The following MED26 variants were observed in gnomAD, a reference collection of about 807,000 sequenced individuals.
MED26 encodes mediator complex subunit 26.
In MED26, 7 loss-of-function variants were observed where a neutral mutation model predicts 43.7. The ratio of observed to expected loss-of-function variants is 0.16; its 90% CI spans 0.09 to 0.30. The LOEUF (loss-of-function observed/expected upper bound fraction) is 0.30, where lower values mean the gene tolerates loss of function less well. Among genes scored for constraint, MED26 ranks in the 10% least tolerant of loss-of-function variants. The pLI, the probability that MED26 is intolerant of heterozygous loss-of-function variation, is 1.00. For synonymous variants in MED26, 375 were observed against 371.1 expected, an observed-to-expected ratio of 1.01 and a Z score of -0.12; for missense variants, 784 against 840.6, an observed-to-expected ratio of 0.93 and a Z score of 0.83.
At position 16,627,921 on chromosome 19, in the gene MED26, G is replaced by A. The variant is rs1299256868; in HGVS notation, c.23C>T (p.Pro8Leu). The A allele has an allele frequency of 1.3e-6, 2 of 1,493,904 alleles. No homozygotes were observed. Among genetic ancestry groups the A allele is most frequent in the East Asian group, 2.9e-5 (1 of 34,986 alleles). The allele number at this position is 1,493,904 out of a possible 1,614,324, so 92.5% of individuals were successfully genotyped here. A position where few individuals can be genotyped will look rare whatever the true frequency, so the allele number is the denominator to read the frequency against. Residue 8 changes from proline to leucine, a missense_variant, in exon 1 of 3, where the codon CCG becomes CTG. Pro to Leu is a moderately conservative substitution (Grantham distance 98). Around this residue, in one of 3 missense-constraint regions of MED26, gnomAD observed 37 missense variants for 30.3 expected, o/e 1.22. Coordinates refer to ENST00000263390, the MANE Select transcript of MED26 (RefSeq NM_004831.5). ...CAGCAGCCGGTCCCTGATCTGCTGC[G>A]GAGACGCCGGAGCCGCTGTCATTGC... Reference protein sequence around the residue: MTAAPASPQQIRDRLLQA... With the variant: MTAAPASLQQIRDRLLQA...
intron 1 of MED26, among the ~76,000 whole-genome samples, chr19:16,603,935 C>T (rs2086161247): frequency 6.6e-6 from 1 of 152,150 alleles, no homozygotes; most frequent in Non-Finnish European, 1.5e-5. Context: ...CAGAAGACTC[C>T]CCTCCATTAT....
intron 1 of MED26, among the ~76,000 whole-genome samples, chr19:16,607,733 T>C (rs1236469382): frequency 1.3e-5 from 2 of 152,192 alleles, no homozygotes; most frequent in African/African-American, 4.8e-5. Flanking sequence ...TTATGAGATT[T>C]TTTTTTAAGC....
chr19:16,599,640 C>T (rs1028028625), intron 1 of MED26, among the ~76,000 whole-genome samples: 5 of 152,288 alleles, frequency 3.3e-5, no homozygotes, highest in Middle Eastern at 3.4e-3. Flanking sequence ...CCTGATCACC[C>T]TCACTGTTGC....
In MED26 at chr19:16,627,934, C is replaced by A; in HGVS notation, c.10G>T (p.Ala4Ser). The change falls in exon 1 of 3, where the codon GCT (alanine) becomes TCT (serine). Residue 4 changes from alanine (A) to serine (S), a missense_variant. This residue lies in a region of MED26 where 37 missense variants were observed against 30.3 expected (regional missense o/e 1.22). Transcript: ENST00000263390. The stretch of plus-strand genomic sequence containing the variant: ...CTGATCTGCTGCGGAGACGCCGGAG[C>A]CGCTGTCATTGCCTGGGCGAGGCGG... MTA[A>S]PASPQQIRDR... 1 of 1,485,686 alleles carries A rather than the reference C, an allele frequency of 6.7e-7. No individual in the cohort carries two copies. Among genetic ancestry groups the A allele is most frequent in the Admixed American group, 2.2e-5 (1 of 45,898 alleles). 92.0% of individuals were successfully genotyped at this position (1,485,686 alleles called of 1,614,324 possible). A position where few individuals can be genotyped will look rare whatever the true frequency, so the allele number is the denominator to read the frequency against.
Position 16,584,294 on chromosome 19 carries a change from GC to G in MED26, c.73-5886del, listed in dbSNP as rs1234823272. On this transcript the variant is annotated intron_variant, in intron 1 of 2. Coordinates refer to ENST00000263390, the MANE Select transcript of MED26 (RefSeq NM_004831.5). ...AAAAAAAAACCGAAACCCAAACACT[GC>G]CCCCCCCCGCCCCGCCAAAAAAAAA... Among the ~76,000 whole-genome samples, 317 of 127,108 alleles carry G rather than the reference GC, an allele frequency of 2.5e-3. 3 individuals are homozygous for G. The highest frequency in any genetic ancestry group is 4.7e-3 in the African/African-American group (145 of 30,994). 83.4% of individuals were successfully genotyped at this position (127,108 alleles called of 152,430 possible).
chr19:16,620,334 G>T (rs117930913), intron 1 of MED26, among the ~76,000 whole-genome samples: 1 of 152,182 alleles, frequency 6.6e-6, no homozygotes, highest in Non-Finnish European at 1.5e-5. Flanking sequence ...AGCTGTGTCC[G>T]CTGAGCCTCA....
rs1238368603 is a variant in MED26 at position 16,576,441 on chromosome 19, C to T, written c.1389G>A (p.Glu463=). The change falls in exon 3 of 3, where the codon GAG becomes GAA. Residue 463 remains glutamate, a synonymous_variant. Coordinates refer to ENST00000263390, the MANE Select transcript of MED26 (RefSeq NM_004831.5). The surrounding 1 kb of genome is among the most constrained non-coding windows in gnomAD (Gnocchi z 6.8). ...AGGGGCTCTGGAGGCTGGCCTTGGC[C>T]TCCTGCTTGTCCAGCTCTGTCCTGG... is the stretch of plus-strand genomic sequence containing the variant. ...QQSRTELDKQ[E]AKASLQSPFE... 3 of 1,614,172 alleles carry T rather than the reference C, an allele frequency of 1.9e-6. No homozygotes were observed. The highest frequency in any genetic ancestry group is 1.7e-5 in the Admixed American group (1 of 60,022).
Position 16,576,847 on chromosome 19 carries a change from C to T in MED26, c.983G>A (p.Arg328Gln), listed in dbSNP as rs565441583. 5.9e-5 allele frequency: 95 copies of T among 1,610,826 alleles called. No individual in the cohort carries two copies. The South Asian group carries it at 7.8e-4, about 13-fold the overall frequency. The change falls in exon 3 of 3, where the codon CGG (arginine) becomes CAG (glutamine). Residue 328 changes from arginine to glutamine, a missense_variant. Arg to Gln is a conservative substitution (Grantham distance 43). Transcript: ENST00000263390. This position sits in a 1 kb window ranked among gnomAD's most constrained non-coding sequence, Gnocchi z 6.8. ...LAQPSTPPVRRLELLPSAESP... is the reference protein window; with the variant it reads ...LAQPSTPPVRQLELLPSAESP... ...TTCCGCACTGGGCAGCAGCTCGAGC[C>T]GCCGTACGGGGGGTGTGGACGGCTG...
At chr19:16,606,548 CA>C (rs1220527140) in intron 1 of MED26, among the ~76,000 whole-genome samples, 1 of 150,872 alleles carries the variant, frequency 6.6e-6, no homozygotes. Flanking sequence ...GACTCCGTCT[CA>C]AAAAAAATAA....
In MED26 at chr19:16,575,453, A is replaced by G. The variant is rs1389879854; in HGVS notation, c.*574T>C. The G allele has an allele frequency of 1.3e-5, 2 of 152,832 alleles. No individual in the cohort carries two copies. Among genetic ancestry groups the G allele is most frequent in the East Asian group, 1.9e-4 (1 of 5,198 alleles). 9.5% of individuals were successfully genotyped at this position (152,832 alleles called of 1,614,324 possible). On this transcript the variant is annotated 3_prime_UTR_variant, in exon 3 of 3. Transcript: ENST00000263390. ...GCTGGCCAGCTGGCCCGCCTGCCCA[A>G]TGCCAGTGGCTCACCACAGCTGAGA...
At position 16,627,975 on chromosome 19, in the gene MED26, C is replaced by G; in HGVS notation, c.-32G>C. 1 of 1,408,450 alleles carries G rather than the reference C, an allele frequency of 7.1e-7. No homozygotes were observed. The highest frequency in any genetic ancestry group is 1.4e-5 in the South Asian group (1 of 69,622). 87.2% of individuals were successfully genotyped at this position (1,408,450 alleles called of 1,614,324 possible). On this transcript the variant is annotated 5_prime_UTR_variant, in exon 1 of 3. Coordinates refer to ENST00000263390, the MANE Select transcript of MED26 (RefSeq NM_004831.5). ...GGCGAGGCGGGGGGTTGCGGCCGGG[C>G]CAGCGGGCGGGCGGGCTGAGGCGGG...
intron 1 of MED26, among the ~76,000 whole-genome samples, chr19:16,623,069 C>A (rs1026911606): frequency 6.6e-6 from 1 of 152,168 alleles, no homozygotes; most frequent in African/African-American, 2.4e-5. Flanking sequence ...TTGGACAGTC[C>A]TCCAGGGCTC....
chr19:16,617,034 G>A (rs894388866), intron 1 of MED26, among the ~76,000 whole-genome samples: 1 of 152,096 alleles, frequency 6.6e-6, no homozygotes, highest in Non-Finnish European at 1.5e-5. Flanking sequence ...CCCAACTTGA[G>A]GGAGCCCACC....
intron 1 of MED26, among the ~76,000 whole-genome samples, chr19:16,613,128 A>C (rs966066100): frequency 1.3e-5 from 2 of 152,186 alleles, no homozygotes; most frequent in Non-Finnish European, 2.9e-5. Context: ...ACTGATAAAT[A>C]TTTGATGTGA....
At chr19:16,624,150 T>A (rs1414091591) in intron 1 of MED26, 1 of 151,538 alleles carries the variant, frequency 6.6e-6, no homozygotes, top group East Asian at 1.9e-4. Context: ...TTGACATTAG[T>A]CTCTGCTGTC....
At chr19:16,622,340 C>T (rs955450700) in intron 1 of MED26, among the ~76,000 whole-genome samples, 3 of 152,224 alleles carry the variant, frequency 2.0e-5, no homozygotes, top group African/African-American at 7.2e-5. Flanking sequence ...GCCCCTTGGG[C>T]ACAGGGGCTG....
In MED26 at chr19:16,575,353, C is replaced by T. The variant is rs1209964709; in HGVS notation, c.*674G>A. The T allele has an allele frequency of 1.3e-5, 2 of 152,630 alleles. No individual in the cohort carries two copies. Among genetic ancestry groups the T allele is most frequent in the African/African-American group, 2.4e-5 (1 of 41,444 alleles). The allele number at this position is 152,630 out of a possible 1,614,324, so 9.5% of individuals were successfully genotyped here. A position where few individuals can be genotyped will look rare whatever the true frequency, so the allele number is the denominator to read the frequency against. On this transcript the variant is annotated 3_prime_UTR_variant, in exon 3 of 3. Coordinates refer to ENST00000263390, the MANE Select transcript of MED26 (RefSeq NM_004831.5). The stretch of plus-strand genomic sequence containing the variant: ...CATGAGAAAACTTAAATTTTTGCAG[C>T]ATTTCTTTAAAAACTGGGTTATAAC...
chr19:16,601,872 C>G (rs1171661153), intron 1 of MED26, among the ~76,000 whole-genome samples: 1 of 152,234 alleles, frequency 6.6e-6, no homozygotes, highest in Non-Finnish European at 1.5e-5. Flanking sequence ...TATGCAGAAG[C>G]AAACACACAG....
At chr19:16,625,122 G>C (rs901677364) in intron 1 of MED26, among the ~76,000 whole-genome samples, 3 of 152,220 alleles carry the variant, frequency 2.0e-5, no homozygotes, top group Non-Finnish European at 4.4e-5. Context: ...ACCCTGGGCT[G>C]AAAGGGTGCA....
Sources: gnomAD v4.1 joint callset for allele counts (sites outside exome capture counted in the v4.1 genomes callset) on GRCh38, gnomAD v4.1.1 for gene constraint, gnomAD v4.1.1 regional missense constraint, Gnocchi (gnomAD v3.1) non-coding constraint, MANE v1.5 for transcripts, NCBI Gene and HGNC (gene_info 2026-07-23, HGNC 2026-07-21) for gene names.